The following RABGAP1L variants were observed in gnomAD, a reference collection of about 807,000 sequenced individuals.
The protein encoded by RABGAP1L is RAB GTPase activating protein 1 like.
RABGAP1L carries 63 observed loss-of-function variants against 137.7 expected under a neutral mutation model. The ratio of observed to expected loss-of-function variants is 0.46; its 90% CI spans 0.37 to 0.56. RABGAP1L has a LOEUF of 0.56. RABGAP1L is among the 20% of genes least tolerant of loss of function. RABGAP1L has a pLI of 0.00. For synonymous variants in RABGAP1L, 431 were observed against 433.7 expected, an observed-to-expected ratio of 0.99 and a Z score of 0.08; for missense variants, 1,095 against 1,244.0, an observed-to-expected ratio of 0.88 and a Z score of 1.80.
At chr1:174,824,586 G>A (rs761646306) in intron 19 of RABGAP1L, among the ~76,000 whole-genome samples, 7 of 152,160 alleles carry the variant, frequency 4.6e-5, no homozygotes, top group African/African-American at 7.2e-5. Flanking sequence ...AGGGTTTAGT[G>A]TTCTAAACAC....
intron 19 of RABGAP1L, among the ~76,000 whole-genome samples, chr1:174,931,800 C>G (rs1469432907): frequency 6.6e-6 from 1 of 151,904 alleles, no homozygotes; most frequent in African/African-American, 2.4e-5. Context: ...AATATATTGC[C>G]TTTTATTACT....
chr1:174,532,214 T>C (rs1664473549), intron 13 of RABGAP1L, among the ~76,000 whole-genome samples: 1 of 151,410 alleles, frequency 6.6e-6, no homozygotes, highest in South Asian at 2.1e-4. Flanking sequence ...TTTGTTTTTT[T>C]GTTTTTTTTT....
At chr1:174,674,969 T>G (rs1677497747) in intron 14 of RABGAP1L, among the ~76,000 whole-genome samples, 1 of 152,184 alleles carries the variant, frequency 6.6e-6, no homozygotes, top group Non-Finnish European at 1.5e-5. Flanking sequence ...TTTGAGTTCA[T>G]TGTAGATTCT....
chr1:174,548,648 T>C (rs1476359859), intron 13 of RABGAP1L: 1 of 825,650 alleles, frequency 1.2e-6, no homozygotes, highest in Admixed American at 6.2e-5. Context: ...TTTCAGTATT[T>C]GGCTAGGTTC....
chr1:174,886,765 A>C (rs1361204001), intron 19 of RABGAP1L, among the ~76,000 whole-genome samples: 1 of 152,112 alleles, frequency 6.6e-6, no homozygotes, highest in Non-Finnish European at 1.5e-5. Flanking sequence ...AGATTTTCAT[A>C]ACTTTTTTCT....
chr1:174,945,875 A>C (rs1226039402), intron 19 of RABGAP1L: 1 of 152,146 alleles, frequency 6.6e-6, no homozygotes, highest in East Asian at 1.9e-4. Flanking sequence ...TTATGCTCTC[A>C]ATGCTTTTTT....
In RABGAP1L at chr1:174,989,920, C is replaced by T. The variant is rs1389103979; in HGVS notation, c.3075C>T (p.Thr1025=). The T allele has an allele frequency of 6.5e-7, 1 of 1,550,206 alleles. No homozygotes were observed. ...CGAAAAACTCTTGGTTTAGCAAAACCCTGAACTCTATCAAAACGGCCACGG... is the reference window on the plus strand; with the variant it reads ...CGAAAAACTCTTGGTTTAGCAAAACTCTGAACTCTATCAAAACGGCCACGG... The part of the protein sequence containing the change: ...QAAKNSWFSK[T]LNSIKTATGT... The change falls in exon 26 of 26, where the codon ACC becomes ACT. Residue 1025 remains threonine (T), a synonymous_variant. Transcript: ENST00000681986.
chr1:174,799,964 ACACACACACACACACT>A (rs1168372601), intron 18 of RABGAP1L: 91 of 981,246 alleles, frequency 9.3e-5, no homozygotes, highest in Non-Finnish European at 4.8e-5. Context: ...ACACACACAC[ACACACACACACACACT>A]CTCACACATT....
intron 13 of RABGAP1L, among the ~76,000 whole-genome samples, chr1:174,485,307 C>T (rs1252712710): frequency 3.3e-5 from 5 of 152,104 alleles, no homozygotes; most frequent in African/African-American, 1.2e-4. Flanking sequence ...TGACTGCTTC[C>T]TTTCCGATTT....
chr1:174,819,279 G>T (rs1396981598), intron 19 of RABGAP1L, among the ~76,000 whole-genome samples: 2 of 150,578 alleles, frequency 1.3e-5, no homozygotes, highest in Non-Finnish European at 3.0e-5. Context: ...AAGAGAGAGA[G>T]ATAAGAGGAT....
At chr1:174,193,960 A>G (rs1667388652) in intron 1 of RABGAP1L, among the ~76,000 whole-genome samples, 1 of 152,226 alleles carries the variant, frequency 6.6e-6, no homozygotes, top group South Asian at 2.1e-4. Flanking sequence ...CAATCCTGTG[A>G]GATGGGAATA....
chr1:174,612,301 C>T (rs1671328957), intron 13 of RABGAP1L, among the ~76,000 whole-genome samples: 1 of 152,188 alleles, frequency 6.6e-6, no homozygotes, highest in Non-Finnish European at 1.5e-5. Flanking sequence ...TTTTCTGCAT[C>T]TAATGAGATA....
At chr1:174,864,621 A>G (rs1370089304) in intron 19 of RABGAP1L, among the ~76,000 whole-genome samples, 1 of 152,194 alleles carries the variant, frequency 6.6e-6, no homozygotes, top group African/African-American at 2.4e-5. Context: ...AACCACCCCC[A>G]TGATCTGGTC....
chr1:174,502,251 A>G (rs1228639442), intron 13 of RABGAP1L, among the ~76,000 whole-genome samples: 1 of 151,784 alleles, frequency 6.6e-6, no homozygotes, highest in South Asian at 2.1e-4. Flanking sequence ...AACCAAATTT[A>G]TATTACATAG....
chr1:174,640,777 C>T (rs1395306892), intron 14 of RABGAP1L, among the ~76,000 whole-genome samples: 1 of 151,748 alleles, frequency 6.6e-6, no homozygotes, highest in Non-Finnish European at 1.5e-5. Context: ...ACTGACCACA[C>T]CTTTAGTATA....
intron 19 of RABGAP1L, among the ~76,000 whole-genome samples, chr1:174,815,297 G>A (rs552475100): frequency 1.3e-5 from 2 of 152,240 alleles, no homozygotes; most frequent in Non-Finnish European, 2.9e-5. Flanking sequence ...AGGAGATGAT[G>A]GACTTATAGA....
chr1:174,285,977 C>T (rs532163374), intron 10 of RABGAP1L, among the ~76,000 whole-genome samples: 1 of 152,218 alleles, frequency 6.6e-6, no homozygotes, highest in East Asian at 1.9e-4. Flanking sequence ...TTGATTTCAG[C>T]TTGCTAGTGT....
intron 19 of RABGAP1L, chr1:174,892,966 G>A (rs57915733): frequency 3.1e-5 from 5 of 159,354 alleles, no homozygotes; most frequent in Non-Finnish European, 4.8e-5. Context: ...TCCTGGCCCC[G>A]AACTCTTGAC....
intron 19 of RABGAP1L, among the ~76,000 whole-genome samples, chr1:174,913,427 C>T (rs1019034776): frequency 6.6e-6 from 1 of 152,158 alleles, no homozygotes; most frequent in Non-Finnish European, 1.5e-5. Context: ...AAGTTTGTCC[C>T]TGTGTACTGT....
Sources: allele counts gnomAD v4.1 joint callset (sites outside exome capture counted in the v4.1 genomes callset), GRCh38; gene constraint gnomAD v4.1.1; transcripts MANE v1.5; gene names NCBI Gene and HGNC (gene_info 2026-07-23, HGNC 2026-07-21).